Variants in TLL1 observed in about 807,000 individuals in gnomAD.
TLL1 encodes the protein tolloid like 1.
A neutral mutation model predicts 128.2 loss-of-function variants in TLL1; 49 were observed. The ratio of observed to expected loss-of-function variants is 0.38; its 90% CI spans 0.30 to 0.48. The LOEUF (loss-of-function observed/expected upper bound fraction) is 0.48, where lower values mean the gene tolerates loss of function less well. Among genes scored for constraint, TLL1 ranks in the 20% least tolerant of loss-of-function variants. The pLI is 0.96. For missense variants in TLL1, 1,123 were observed against 1,242.0 expected (o/e 0.90, Z 1.44); for synonymous variants, 454 against 418.8 (o/e 1.08, Z -1.03).
At chr4:166,059,884 C>A in intron 14 of TLL1, 144 bp from the exon 15 acceptor site, 2 of 937,502 alleles carry the variant, frequency 2.1e-6, no homozygotes, top group South Asian at 2.8e-5. Flanking sequence ...GACTAAGGAG[C>A]AGAGACTGCC....
At chr4:165,901,096 T>G (rs1731963830) in intron 1 of TLL1, among the ~76,000 whole-genome samples, 1 of 152,178 alleles carries the variant, frequency 6.6e-6, no homozygotes, top group African/African-American at 2.4e-5. Context: ...TCAGGTCATT[T>G]ATGTTATTCT....
chr4:165,927,684 A>C (rs367992207), intron 1 of TLL1, among the ~76,000 whole-genome samples: 9 of 152,174 alleles, frequency 5.9e-5, no homozygotes, highest in Non-Finnish European at 8.8e-5. Flanking sequence ...CCTCCAGGGG[A>C]CATAAAGCAA....
At chr4:166,084,288 G>T (rs1227997472) in intron 18 of TLL1, among the ~76,000 whole-genome samples, 4 of 151,914 alleles carry the variant, frequency 2.6e-5, no homozygotes, top group Non-Finnish European at 5.9e-5. Flanking sequence ...ATATTAGCCT[G>T]GTATCAGATG....
At chr4:165,977,057 C>A (rs1454487040) in intron 1 of TLL1, among the ~76,000 whole-genome samples, 1 of 151,808 alleles carries the variant, frequency 6.6e-6, no homozygotes. Context: ...TTAACTATAA[C>A]AAAAGAAAAA....
At position 165,922,279 on chromosome 4, in the gene TLL1, CA is replaced by C. The variant is rs142375798; in HGVS notation, c.169+48207del. Among the ~76,000 whole-genome samples, 611 of 152,280 alleles carry C rather than the reference CA, an allele frequency of 4.0e-3. 4 individuals carry two copies. Among genetic ancestry groups the C allele is most frequent in the African/African-American group, 0.014 (563 of 41,538 alleles). On this transcript the variant is annotated intron_variant, in intron 1 of 20. Transcript: ENST00000061240. ...TTTTGAAACTATTGAAACTTATTAG[CA>C]TCAAATACTTGCTATGATTCTTTGT...
At chr4:165,984,954 A>G (rs1736333859) in intron 1 of TLL1, among the ~76,000 whole-genome samples, 1 of 152,030 alleles carries the variant, frequency 6.6e-6, no homozygotes, top group African/African-American at 2.4e-5. Flanking sequence ...AGGTAGCACA[A>G]GCAGCCTCAT....
chr4:166,048,013 G>A (rs1051813522), intron 12 of TLL1, among the ~76,000 whole-genome samples: 2 of 151,976 alleles, frequency 1.3e-5, no homozygotes, highest in African/African-American at 2.4e-5. Flanking sequence ...TAGGCAGGCG[G>A]ATCACCTGAG....
intron 1 of TLL1, among the ~76,000 whole-genome samples, chr4:165,904,756 T>A (rs987239067): frequency 1.3e-5 from 2 of 152,194 alleles, no homozygotes; most frequent in Admixed American, 1.3e-4. Context: ...TCAATTCACA[T>A]CTTTGATGAA....
At chr4:165,894,570 T>C (rs953825294) in intron 1 of TLL1, among the ~76,000 whole-genome samples, 2 of 152,118 alleles carry the variant, frequency 1.3e-5, no homozygotes, top group African/African-American at 4.8e-5. Context: ...CTATGAGAAA[T>C]GTTAAAAGAA....
chr4:166,054,966 T>C, intron 12 of TLL1, 110 bp from the exon 13 acceptor site: 1 of 838,388 alleles, frequency 1.2e-6, no homozygotes, highest in Non-Finnish European at 1.8e-6. Context: ...TTGATACAAA[T>C]AACTTTTATA....
intron 12 of TLL1, among the ~76,000 whole-genome samples, chr4:166,050,384 G>A (rs969979044): frequency 1.5e-4 from 23 of 152,226 alleles, no homozygotes; most frequent in African/African-American, 5.5e-4. Context: ...TGGCTATTGT[G>A]AAAATGCTGC....
At chr4:166,097,017 A>G (rs1299693310) in intron 19 of TLL1, among the ~76,000 whole-genome samples, 1 of 152,112 alleles carries the variant, frequency 6.6e-6, no homozygotes, top group African/African-American at 2.4e-5. Flanking sequence ...GCTTAAATTT[A>G]TATGGGTTTT....
At chr4:165,981,257 A>G (rs1736139247) in intron 1 of TLL1, among the ~76,000 whole-genome samples, 2 of 152,078 alleles carry the variant, frequency 1.3e-5, no homozygotes, top group African/African-American at 4.8e-5. Context: ...GACAGTGATT[A>G]CTGAAATGTT....
intron 1 of TLL1, among the ~76,000 whole-genome samples, chr4:165,964,351 A>G (rs908282967): frequency 2.6e-5 from 4 of 152,212 alleles, no homozygotes; most frequent in African/African-American, 9.6e-5. Context: ...TATGAGGATA[A>G]TTATGCATAA....
intron 1 of TLL1, among the ~76,000 whole-genome samples, chr4:165,881,452 C>G (rs1204376033): frequency 6.6e-6 from 1 of 152,218 alleles, no homozygotes; most frequent in Non-Finnish European, 1.5e-5. Flanking sequence ...TCAAATTTCT[C>G]ACACTTGGCT....
intron 1 of TLL1, among the ~76,000 whole-genome samples, chr4:165,980,545 C>A (rs1197929292): frequency 6.6e-6 from 1 of 152,100 alleles, no homozygotes; most frequent in Admixed American, 6.6e-5. Flanking sequence ...AGAAATAACT[C>A]AGAGTTGTAT....
At chr4:166,068,383 T>C (rs1448130353) in intron 16 of TLL1, among the ~76,000 whole-genome samples, 1 of 151,896 alleles carries the variant, frequency 6.6e-6, no homozygotes, top group Non-Finnish European at 1.5e-5. Context: ...TTGCAAATAT[T>C]AGATTTCTAA....
intron 1 of TLL1, among the ~76,000 whole-genome samples, chr4:165,949,992 G>A (rs1734433181): frequency 6.6e-6 from 1 of 152,098 alleles, no homozygotes; most frequent in East Asian, 1.9e-4. Flanking sequence ...GATCAGATTG[G>A]ATATAAAAGA....
rs1345859517 is a variant in TLL1 at position 166,003,426 on chromosome 4, C to T, written c.668C>T (p.Pro223Leu). ...TATGTAGGTCGGCGAGGAAATGGAC[C>T]TCAGGCAATCTCTATCGGCAAGAAC... Reference protein sequence around the residue: ...CSYVGRRGNGPQAISIGKNCD... With the variant: ...CSYVGRRGNGLQAISIGKNCD... Residue 223 changes from proline (P) to leucine (L), a missense_variant, in exon 6 of 21, where the codon CCT becomes CTT. By Grantham distance (98) the Pro-to-Leu change is moderately conservative. Around this residue, in one of 3 missense-constraint regions of TLL1, gnomAD observed 480 missense variants for 542.4 expected, o/e 0.89. Coordinates refer to ENST00000061240, the MANE Select transcript of TLL1 (RefSeq NM_012464.5). 3.1e-6 allele frequency: 5 copies of T among 1,613,964 alleles called. No homozygotes were observed. In the South Asian group the frequency reaches 3.3e-5, roughly 11 times the overall value.
Sources: allele counts gnomAD v4.1 joint callset (sites outside exome capture counted in the v4.1 genomes callset), GRCh38; gene constraint gnomAD v4.1.1; regional missense constraint gnomAD v4.1.1; transcripts MANE v1.5; gene names NCBI Gene and HGNC (gene_info 2026-07-23, HGNC 2026-07-21).